TMEM266: variants seen among roughly 807,000 people sequenced by gnomAD.
TMEM266 encodes transmembrane protein 266.
In TMEM266, 33 loss-of-function variants were observed where a neutral mutation model predicts 50.5. The ratio of observed to expected loss-of-function variants is 0.65; its 90% CI spans 0.50 to 0.87. TMEM266 has a LOEUF of 0.87. TMEM266 is among the 40% of genes least tolerant of loss of function. The pLI, the probability that TMEM266 is intolerant of heterozygous loss-of-function variation, is 0.00. For synonymous variants in TMEM266, 310 were observed against 292.3 expected (o/e 1.06, Z -0.62); for missense variants, 655 against 695.1 (o/e 0.94, Z 0.65).
rs779297342 is a variant in TMEM266 at position 76,204,250 on chromosome 15, C to CTGGAGGACAAGT, written c.1533_1544dup (p.Leu511_Lys514dup). 107 of 1,613,902 alleles carry CTGGAGGACAAGT rather than the reference C, an allele frequency of 6.6e-5. No individual in the cohort carries two copies. In the African/African-American group the frequency reaches 1.3e-3, roughly 19 times the overall value. On this transcript the variant is annotated inframe_insertion, in exon 11 of 11. Coordinates refer to ENST00000388942, the MANE Select transcript of TMEM266 (RefSeq NM_152335.3). Reference sequence around the variant, plus strand: ...CCACTTCCAGCCCACTGTGCCCATGCTGGAGGACAAGTTCAGATCTTTGGA... The same window carrying CTGGAGGACAAGT: ...CCACTTCCAGCCCACTGTGCCCATGCTGGAGGACAAGTTGGAGGACAAGTTCAGATCTTTGGA...
chr15:76,060,327 A>G (rs1429345001), intron 1 of TMEM266, among the ~76,000 whole-genome samples: 1 of 149,894 alleles, frequency 6.7e-6, no homozygotes, highest in African/African-American at 2.5e-5. Flanking sequence ...TCCGTGTGCC[A>G]TCTTGCATTT....
chr15:76,192,245 T>C, intron 9 of TMEM266, 88 bp downstream of exon 9: 1 of 1,227,834 alleles, frequency 8.1e-7, no homozygotes, highest in Non-Finnish European at 1.1e-6. Flanking sequence ...GTGCGCAGAG[T>C]GGATGGGGTT....
At chr15:76,173,417 G>C (rs1214363964) in intron 7 of TMEM266, among the ~76,000 whole-genome samples, 2 of 152,158 alleles carry the variant, frequency 1.3e-5, no homozygotes, top group African/African-American at 4.8e-5. Context: ...AAAGTCAGGA[G>C]TGGACACTGA....
In TMEM266 at chr15:76,170,662, A is replaced by T. The variant is rs371608672; in HGVS notation, c.514-331A>T. 2.2e-4 allele frequency among the ~76,000 whole-genome samples: 34 copies of T among 152,306 alleles called. No individual in the cohort carries two copies. In the East Asian group the frequency reaches 4.8e-3, roughly 22 times the overall value. On this transcript the variant is annotated intron_variant, in intron 6 of 10. Transcript: ENST00000388942. Reference sequence around the variant, plus strand: ...GCCTTCAGCCCCTGCCCTGCCAGGGAGGGATCCAGCTTGGCCTCTGCCCAG... The same window carrying T: ...GCCTTCAGCCCCTGCCCTGCCAGGGTGGGATCCAGCTTGGCCTCTGCCCAG...
At chr15:76,167,413 T>C (rs1596147521) in intron 5 of TMEM266, among the ~76,000 whole-genome samples, 1 of 144,820 alleles carries the variant, frequency 6.9e-6, no homozygotes, top group South Asian at 2.2e-4. Context: ...GAGCTTGCAG[T>C]GAGCCAAGAT....
At chr15:76,183,234 A>G (rs7171831) in intron 8 of TMEM266, among the ~76,000 whole-genome samples, 151,486 of 151,490 alleles carry the variant, frequency 1, 75,741 homozygotes, top group Middle Eastern at 1. Context: ...TCCTGCCTCA[A>G]CCTCCCGAGT....
rs1358008302 is a variant in TMEM266, at chr15:76,118,568, A to C, written c.-96-15600A>C. On this transcript the variant is annotated intron_variant, in intron 1 of 10. Coordinates refer to ENST00000388942, the MANE Select transcript of TMEM266 (RefSeq NM_152335.3). ...AGCGAGACTCTGTCTCAAAAAATAA[A>C]GGAAGGAAACTTGAGGGCAAGGGTT... 2.6e-5 allele frequency among the ~76,000 whole-genome samples: 4 copies of C among 152,164 alleles called. No individual in the cohort carries two copies. In the East Asian group the frequency reaches 7.7e-4, roughly 29 times the overall value.
chr15:76,183,188 T>A (rs975856334), intron 8 of TMEM266, among the ~76,000 whole-genome samples: 1 of 133,902 alleles, frequency 7.5e-6, no homozygotes, highest in Non-Finnish European at 1.5e-5. Flanking sequence ...TGATCTCGGC[T>A]CACTGCAACC....
At chr15:76,133,554 GTTA>G (rs941088610) in intron 1 of TMEM266, among the ~76,000 whole-genome samples, 1 of 152,210 alleles carries the variant, frequency 6.6e-6, no homozygotes, top group African/African-American at 2.4e-5. Flanking sequence ...AGTTAGTTCT[GTTA>G]TTATCCCCAT....
chr15:76,149,494 C>T (rs2037806000), intron 3 of TMEM266, among the ~76,000 whole-genome samples: 1 of 152,218 alleles, frequency 6.6e-6, no homozygotes, highest in Non-Finnish European at 1.5e-5. Flanking sequence ...CTTCTAATGA[C>T]CGTGTATCTA....
rs1257175604 is a variant in TMEM266, at chr15:76,154,298, G to C, written c.228-2306G>C. 1.3e-5 allele frequency among the ~76,000 whole-genome samples: 2 copies of C among 152,330 alleles called. 1 individual carries two copies. The highest frequency in any genetic ancestry group is 3.9e-4 in the East Asian group (2 of 5,172). On this transcript the variant is annotated intron_variant, in intron 3 of 10. Coordinates refer to ENST00000388942, the MANE Select transcript of TMEM266 (RefSeq NM_152335.3). ...GGATGTAACTGGACATACTGCGCTT[G>C]ATCTGGCAACCCTCCTGAGCTCCTC...
intron 1 of TMEM266, among the ~76,000 whole-genome samples, chr15:76,089,728 G>A (rs1416630137): frequency 1.3e-5 from 2 of 152,172 alleles, no homozygotes; most frequent in Non-Finnish European, 2.9e-5. Flanking sequence ...GACAGGAGAG[G>A]CAAGGGCACA....
intron 1 of TMEM266, among the ~76,000 whole-genome samples, chr15:76,085,066 TCTCCTGCCTCAGC>T (rs764839743): frequency 1.3e-5 from 2 of 151,584 alleles, no homozygotes; most frequent in Non-Finnish European, 2.9e-5. Context: ...TTCACGGCAT[TCTCCTGCCTCAGC>T]CTCCTGAGTA....
At chr15:76,073,233 CTTTTT>C (rs57465474) in intron 1 of TMEM266, among the ~76,000 whole-genome samples, 1 of 135,118 alleles carries the variant, frequency 7.4e-6, no homozygotes. Context: ...GCCCGGCCTT[CTTTTT>C]TTTTTTTTTT....
chr15:76,141,597 A>G (rs1025368516), intron 3 of TMEM266, among the ~76,000 whole-genome samples: 1 of 152,170 alleles, frequency 6.6e-6, no homozygotes, highest in Non-Finnish European at 1.5e-5. Context: ...ATGTAACAAA[A>G]TGTACCATCT....
At chr15:76,181,405 G>A (rs2038402536) in intron 8 of TMEM266, 1 of 152,188 alleles carries the variant, frequency 6.6e-6, no homozygotes, top group African/African-American at 2.4e-5. Context: ...AGGGGAGGAG[G>A]TCTCTCTGCT....
intron 1 of TMEM266, among the ~76,000 whole-genome samples, chr15:76,082,997 C>T (rs1221215446): frequency 6.6e-6 from 1 of 151,324 alleles, no homozygotes; most frequent in Non-Finnish European, 1.5e-5. Context: ...ACAACAACAA[C>T]CAGCTGTGGC....
chr15:76,102,698 G>A (rs1196657625), intron 1 of TMEM266, among the ~76,000 whole-genome samples: 1 of 152,008 alleles, frequency 6.6e-6, no homozygotes, highest in African/African-American at 2.4e-5. Context: ...AATTAGCCAG[G>A]CATGGTGGCA....
intron 3 of TMEM266, among the ~76,000 whole-genome samples, chr15:76,155,947 A>G (rs2037917434): frequency 6.6e-6 from 1 of 152,134 alleles, no homozygotes; most frequent in South Asian, 2.1e-4. Flanking sequence ...GTAATAACAC[A>G]TTGTTTCCAC....
Sources: allele counts gnomAD v4.1 joint callset (sites outside exome capture counted in the v4.1 genomes callset), GRCh38; gene constraint gnomAD v4.1.1; transcripts MANE v1.5; gene names NCBI Gene and HGNC (gene_info 2026-07-23, HGNC 2026-07-21).